SNX24: variants seen among roughly 807,000 people sequenced by gnomAD.
SNX24 encodes the protein sorting nexin-24.
Under a neutral mutation model 28.7 loss-of-function variants are expected in SNX24, and 22 were observed. The observed-to-expected ratio is 0.77, with a 90% CI of 0.55 to 1.10. The LOEUF is 1.10. SNX24 is among the 50% of genes least tolerant of loss of function. SNX24 has a pLI of 0.00. For synonymous variants in SNX24, 69 were observed against 71.5 expected (o/e 0.96, Z 0.18); for missense variants, 221 against 201.1 (o/e 1.10, Z -0.60).
In SNX24 at chr5:122,920,628, G is replaced by T. The variant is rs369918410; in HGVS notation, c.61-16106G>T. ...ATGCTAAGACTCTAGAAAACAATCT[G>T]GTCAACCCCATCAAATCCCCAGATG... is the stretch of plus-strand genomic sequence containing the variant. On this transcript the variant is annotated intron_variant, in intron 1 of 6. Coordinates refer to ENST00000261369, the MANE Select transcript of SNX24 (RefSeq NM_014035.4). Among the ~76,000 whole-genome samples, 17 of 152,224 alleles carry T rather than the reference G, an allele frequency of 1.1e-4. 2 individuals are homozygous for T. Among genetic ancestry groups the T allele is most frequent in the East Asian group, 3.9e-4 (2 of 5,172 alleles).
intron 1 of SNX24, among the ~76,000 whole-genome samples, chr5:122,934,024 A>T (rs246309): frequency 1.3e-5 from 2 of 151,736 alleles, no homozygotes; most frequent in Non-Finnish European, 2.9e-5. Flanking sequence ...CTCAGGTGAT[A>T]CGCCCGTCTC....
intron 3 of SNX24, among the ~76,000 whole-genome samples, chr5:122,995,890 C>T (rs1581847064): frequency 6.6e-6 from 1 of 152,066 alleles, no homozygotes; most frequent in South Asian, 2.1e-4. Context: ...TTCAGAATGC[C>T]CCTCTTATAA....
At chr5:122,946,236 G>A in intron 3 of SNX24, 77 bp downstream of exon 3, 2 of 754,210 alleles carry the variant, frequency 2.7e-6, no homozygotes, top group Admixed American at 2.6e-5. Flanking sequence ...GGACATGTGA[G>A]TGCAATGTAA....
At chr5:123,021,657 G>A (rs552360334) in intron 5 of SNX24, among the ~76,000 whole-genome samples, 153 of 152,162 alleles carry the variant, frequency 1.0e-3, no homozygotes, top group Non-Finnish European at 1.7e-3. Context: ...ATTCTTAGAC[G>A]CAGAGCATCA....
chr5:123,028,196 A>G (rs1176398030), intron 5 of SNX24, among the ~76,000 whole-genome samples: 2 of 152,244 alleles, frequency 1.3e-5, no homozygotes, highest in African/African-American at 4.8e-5. Flanking sequence ...GTAACCCAAC[A>G]TTTTAGAACA....
intron 1 of SNX24, among the ~76,000 whole-genome samples, chr5:122,871,853 G>T (rs1280798043): frequency 1.3e-5 from 2 of 152,096 alleles, no homozygotes; most frequent in African/African-American, 2.4e-5. Context: ...AAGTTTTGGA[G>T]CCAGATAGAC....
intron 6 of SNX24, 181 bp downstream of exon 6, chr5:123,002,185 G>A (rs1762270486): frequency 3.4e-6 from 2 of 586,570 alleles, no homozygotes; most frequent in African/African-American, 1.9e-5. Context: ...CCTTTCAGGA[G>A]GAAATGTAAT....
At chr5:122,931,823 C>G (rs546226708) in intron 1 of SNX24, among the ~76,000 whole-genome samples, 2 of 151,198 alleles carry the variant, frequency 1.3e-5, no homozygotes, top group Non-Finnish European at 3.0e-5. Context: ...ATAGAGAATT[C>G]TTTTCTTTTT....
intron 2 of SNX24, among the ~76,000 whole-genome samples, chr5:122,944,161 C>T (rs1349523087): frequency 6.6e-6 from 1 of 152,160 alleles, no homozygotes; most frequent in Admixed American, 6.5e-5. Flanking sequence ...ATTCATGTTC[C>T]AGGCTCCTTG....
chr5:122,946,621 A>C (rs1759698232), intron 3 of SNX24, among the ~76,000 whole-genome samples: 1 of 152,202 alleles, frequency 6.6e-6, no homozygotes, highest in South Asian at 2.1e-4. Flanking sequence ...ATTGCCGATG[A>C]TGAAGTGCCA....
At chr5:122,908,035 T>C (rs1757723114) in intron 1 of SNX24, among the ~76,000 whole-genome samples, 1 of 152,206 alleles carries the variant, frequency 6.6e-6, no homozygotes. Context: ...TAGTAATACA[T>C]TGAAACCAGC....
chr5:122,908,715 C>T (rs1168929225), intron 1 of SNX24, among the ~76,000 whole-genome samples: 2 of 152,134 alleles, frequency 1.3e-5, no homozygotes, highest in African/African-American at 4.8e-5. Context: ...GCCTTAAAGA[C>T]ATTTATTATA....
chr5:123,015,238 GC>G (rs932621401), intron 5 of SNX24, among the ~76,000 whole-genome samples: 38 of 152,262 alleles, frequency 2.5e-4, no homozygotes, highest in African/African-American at 8.9e-4. Flanking sequence ...CTATGTTCTG[GC>G]CCCCAGTTCA....
intron 1 of SNX24, among the ~76,000 whole-genome samples, chr5:122,908,776 C>T (rs1429368777): frequency 6.6e-6 from 1 of 152,192 alleles, no homozygotes; most frequent in African/African-American, 2.4e-5. Context: ...AAGAAGAGGA[C>T]TGTTTCTATG....
chr5:122,917,952 C>T (rs887117962), intron 1 of SNX24, among the ~76,000 whole-genome samples: 2 of 151,950 alleles, frequency 1.3e-5, no homozygotes, highest in African/African-American at 2.4e-5. Flanking sequence ...TGGTGGTGGG[C>T]GCCTGTAGTC....
intron 3 of SNX24, among the ~76,000 whole-genome samples, chr5:122,966,466 T>G (rs980884752): frequency 6.6e-6 from 1 of 152,182 alleles, no homozygotes; most frequent in Non-Finnish European, 1.5e-5. Flanking sequence ...GTGCAAAAGC[T>G]ACCATAGATG....
At chr5:122,897,582 C>T (rs1455662337) in intron 1 of SNX24, among the ~76,000 whole-genome samples, 1 of 151,964 alleles carries the variant, frequency 6.6e-6, no homozygotes, top group Non-Finnish European at 1.5e-5. Flanking sequence ...TTTTATCACT[C>T]CAAATACTTA....
chr5:122,918,222 T>A (rs1758268280), intron 1 of SNX24, among the ~76,000 whole-genome samples: 1 of 152,164 alleles, frequency 6.6e-6, no homozygotes, highest in Non-Finnish European at 1.5e-5. Flanking sequence ...GGGTTAGAGC[T>A]TCAGCATACG....
intron 1 of SNX24, among the ~76,000 whole-genome samples, chr5:122,899,618 A>G (rs989217689): frequency 3.3e-5 from 5 of 152,140 alleles, no homozygotes; most frequent in African/African-American, 7.2e-5. Context: ...CATGTTGCCC[A>G]GGCTGGTCTC....
Sources: gnomAD v4.1 joint callset for allele counts (sites outside exome capture counted in the v4.1 genomes callset) on GRCh38, gnomAD v4.1.1 for gene constraint, MANE v1.5 for transcripts, NCBI Gene and HGNC (gene_info 2026-07-23, HGNC 2026-07-21) for gene names.